RGS7: variants seen among roughly 807,000 people sequenced by gnomAD.
The protein encoded by RGS7 is regulator of G-protein signaling 7.
Under a neutral mutation model 81.1 loss-of-function variants are expected in RGS7, and 27 were observed. That is an observed-to-expected ratio of 0.33 (90% CI 0.25 to 0.46). The LOEUF (loss-of-function observed/expected upper bound fraction) is 0.46, where lower values mean the gene tolerates loss of function less well. Ranked by LOEUF, RGS7 falls within the 20% of genes least tolerant of loss-of-function variation. The pLI is 1.00. For missense variants in RGS7, 396 were observed against 607.4 expected (o/e 0.65, Z 3.66); for synonymous variants, 208 against 207.7 (o/e 1.00, Z -0.01).
At chr1:240,791,896 A>G (rs760815302) in intron 18 of RGS7, among the ~76,000 whole-genome samples, 14 of 152,160 alleles carry the variant, frequency 9.2e-5, no homozygotes, top group Non-Finnish European at 2.1e-4. Context: ...ATTCTGCTTA[A>G]CTCTTTTTCA....
intron 2 of RGS7, among the ~76,000 whole-genome samples, chr1:241,326,837 G>A (rs2081524970): frequency 6.7e-6 from 1 of 150,108 alleles, no homozygotes; most frequent in South Asian, 2.1e-4. Context: ...TTGAGCCCAG[G>A]AGGTTGAGGC....
chr1:241,071,223 C>T (rs564769900), intron 3 of RGS7, among the ~76,000 whole-genome samples: 1 of 152,182 alleles, frequency 6.6e-6, no homozygotes, highest in South Asian at 2.1e-4. Context: ...TTCTCAGAGA[C>T]AGCATGTCTT....
chr1:241,255,792 G>A (rs778720858), intron 2 of RGS7, among the ~76,000 whole-genome samples: 5 of 152,140 alleles, frequency 3.3e-5, no homozygotes, highest in South Asian at 2.1e-4. Flanking sequence ...GGTTCCTACC[G>A]CGATGTGCTT....
chr1:240,903,932 T>C (rs1670416499), intron 6 of RGS7, among the ~76,000 whole-genome samples: 1 of 152,218 alleles, frequency 6.6e-6, no homozygotes, highest in African/African-American at 2.4e-5. Context: ...CAGAAGCAGG[T>C]GCTGGTGCCA....
At position 240,850,899 on chromosome 1, in the gene RGS7, C is replaced by A. The variant is rs1177060035; in HGVS notation, c.609+17688G>T. ...CCCTAAGTCATCAATTCTATGAAGA[C>A]TGAAAGAAATAAGGAAGCTGAAGAA... On this transcript the variant is annotated intron_variant, in intron 9 of 18. Transcript: ENST00000440928. Among the ~76,000 whole-genome samples the A allele has an allele frequency of 1.3e-5, 2 of 151,914 alleles. 1 individual carries two copies. Among genetic ancestry groups the A allele is most frequent in the Non-Finnish European group, 2.9e-5 (2 of 68,016 alleles).
chr1:240,949,489 G>A (rs1011206693), intron 4 of RGS7, among the ~76,000 whole-genome samples: 1 of 152,070 alleles, frequency 6.6e-6, no homozygotes, highest in African/African-American at 2.4e-5. Context: ...AAAAGTGAAG[G>A]TGACACTCTC....
At chr1:240,939,811 C>T (rs544903702) in intron 4 of RGS7, among the ~76,000 whole-genome samples, 1 of 152,220 alleles carries the variant, frequency 6.6e-6, no homozygotes, top group South Asian at 2.1e-4. Context: ...TGGCTCATGC[C>T]TGTAATCCCA....
chr1:240,809,249 A>G (rs1477784726), intron 14 of RGS7, among the ~76,000 whole-genome samples: 1 of 152,188 alleles, frequency 6.6e-6, no homozygotes, highest in Non-Finnish European at 1.5e-5. Context: ...GGGAGAGCAG[A>G]GGGTATATTT....
chr1:241,305,348 C>T (rs2080025561), intron 2 of RGS7, among the ~76,000 whole-genome samples: 1 of 152,112 alleles, frequency 6.6e-6, no homozygotes, highest in Admixed American at 6.5e-5. Flanking sequence ...CGTCGGTCAC[C>T]CATGCCCTCG....
chr1:241,170,702 G>T (rs2070673793), intron 2 of RGS7, among the ~76,000 whole-genome samples: 1 of 152,194 alleles, frequency 6.6e-6, no homozygotes, highest in Admixed American at 6.5e-5. Context: ...GGAGGGAGCA[G>T]TGCGGAAAGT....
intron 2 of RGS7, among the ~76,000 whole-genome samples, chr1:241,100,586 TTATC>T (rs2064660876): frequency 6.6e-6 from 1 of 152,152 alleles, no homozygotes; most frequent in Non-Finnish European, 1.5e-5. Context: ...CTTGTAATTA[TTATC>T]TATGTTCTTT....
chr1:241,023,814 T>C (rs938811718), intron 3 of RGS7, among the ~76,000 whole-genome samples: 14 of 152,356 alleles, frequency 9.2e-5, no homozygotes, highest in African/African-American at 3.4e-4. Flanking sequence ...GGCGCGATCT[T>C]GGCTCACTGC....
chr1:241,135,714 A>G (rs2103060903), intron 2 of RGS7, among the ~76,000 whole-genome samples: 2 of 151,884 alleles, frequency 1.3e-5, no homozygotes, highest in Admixed American at 1.3e-4. Context: ...CTGAGTGGGA[A>G]CTCCTTCTCC....
intron 2 of RGS7, among the ~76,000 whole-genome samples, chr1:241,251,278 C>T (rs1407830299): frequency 1.3e-5 from 2 of 152,036 alleles, no homozygotes; most frequent in Admixed American, 1.3e-4. Flanking sequence ...GAAGCCCGGG[C>T]TTCAAAGACA....
intron 3 of RGS7, among the ~76,000 whole-genome samples, chr1:241,008,912 CAAAAAAAAAAA>C (rs33916247): frequency 1.0e-4 from 8 of 77,908 alleles, no homozygotes; most frequent in African/African-American, 2.3e-4. Context: ...ACTCTGTCTC[CAAAAAAAAAAA>C]AAAAAAAAAA....
chr1:241,261,728 G>C (rs1177312802), intron 2 of RGS7, among the ~76,000 whole-genome samples: 1 of 150,826 alleles, frequency 6.6e-6, no homozygotes, highest in Non-Finnish European at 1.5e-5. Flanking sequence ...CAAGAAGACA[G>C]ATGCTAAATA....
At chr1:241,333,262 ACT>A (rs771960229) in intron 2 of RGS7, among the ~76,000 whole-genome samples, 2 of 152,080 alleles carry the variant, frequency 1.3e-5, no homozygotes, top group Non-Finnish European at 2.9e-5. Flanking sequence ...ATAGAGTAAC[ACT>A]CTGTTGTGAG....
intron 6 of RGS7, among the ~76,000 whole-genome samples, chr1:240,913,786 T>C (rs1334167015): frequency 6.6e-6 from 1 of 151,528 alleles, no homozygotes; most frequent in Admixed American, 6.6e-5. Context: ...ATCTGTAATT[T>C]TGTTTTTTTT....
rs555974401 is a variant in RGS7 at position 241,000,308 on chromosome 1, G to A, written c.176-17179C>T. ...ATGAAGAAAAATGGGTTTCAAAAAGGCACAAGGAAACTTTTGGGGAGAATA... is the reference window on the plus strand; with the variant it reads ...ATGAAGAAAAATGGGTTTCAAAAAGACACAAGGAAACTTTTGGGGAGAATA... On this transcript the variant is annotated intron_variant, in intron 3 of 18. Coordinates refer to ENST00000440928, the MANE Select transcript of RGS7 (RefSeq NM_001364886.1). Among the ~76,000 whole-genome samples, 5 of 152,270 alleles carry A rather than the reference G, an allele frequency of 3.3e-5. No homozygotes were observed. In the East Asian group the frequency reaches 9.7e-4, roughly 29 times the overall value.
Sources: allele counts gnomAD v4.1 joint callset (sites outside exome capture counted in the v4.1 genomes callset), GRCh38; gene constraint gnomAD v4.1.1; transcripts MANE v1.5; gene names NCBI Gene and HGNC (gene_info 2026-07-23, HGNC 2026-07-21).